Variants in PARP14 observed in about 807,000 individuals in gnomAD.
The protein encoded by PARP14 is poly(ADP-ribose) polymerase family member 14, also known as protein mono-ADP-ribosyltransferase PARP14.
Under a neutral mutation model 154.2 loss-of-function variants are expected in PARP14, and 59 were observed. That is an observed-to-expected ratio of 0.38 (90% CI 0.31 to 0.48). The LOEUF is 0.48. PARP14 is among the 20% of genes least tolerant of loss of function. PARP14 has a pLI of 0.98. For missense variants in PARP14, 1,734 were observed against 2,131.6 expected (o/e 0.81, Z 3.67); for synonymous variants, 720 against 780.5 (o/e 0.92, Z 1.29).
At chr3:122,690,314 C>T (rs1289243356) in intron 3 of PARP14, among the ~76,000 whole-genome samples, 1 of 152,186 alleles carries the variant, frequency 6.6e-6, no homozygotes, top group African/African-American at 2.4e-5. Context: ...TAGCCTCCTC[C>T]CTAGCCCAGC....
chr3:122,719,991 CTT>C (rs1242272964), intron 14 of PARP14, among the ~76,000 whole-genome samples: 1 of 152,210 alleles, frequency 6.6e-6, no homozygotes, highest in Non-Finnish European at 1.5e-5. Context: ...ATGATCCAAA[CTT>C]AGGAGGCAGA....
rs751299850 is a variant in PARP14 at position 122,695,432 on chromosome 3, T to C, written c.605T>C (p.Ile202Thr). 2.0e-5 allele frequency: 30 copies of C among 1,510,788 alleles called. No homozygotes were observed. The highest frequency in any genetic ancestry group is 1.2e-5 in the South Asian group (1 of 86,140). 93.6% of individuals were successfully genotyped at this position (1,510,788 alleles called of 1,614,324 possible). A position where few individuals can be genotyped will look rare whatever the true frequency, so the allele number is the denominator to read the frequency against. The change falls in exon 5 of 17, where the codon ATA (isoleucine) becomes ACA (threonine). Residue 202 changes from isoleucine to threonine, a missense_variant. Physicochemically the swap from Ile to Thr is moderately conservative, Grantham distance 89 (BLOSUM62 -1). This residue lies in a region of PARP14 where 1,646 missense variants were observed against 1,976.0 expected (regional missense o/e 0.83). Transcript: ENST00000474629. ...TTTTTTTTTTGGTTTGTAGATACTATAAGATTTGTTGATGATTGTACCAAG... is the reference window on the plus strand; with the variant it reads ...TTTTTTTTTTGGTTTGTAGATACTACAAGATTTGTTGATGATTGTACCAAG... ...VVTFQKHIDT[I>T]RFVDDCTKHH...
In PARP14 at chr3:122,728,041, G is replaced by A. The variant is rs1039117174; in HGVS notation, c.5116+55G>A. On this transcript the variant is annotated intron_variant, in intron 16 of 16. Coordinates refer to ENST00000474629, the MANE Select transcript of PARP14 (RefSeq NM_017554.3). ...AATGAGGCATCAGCCATGAGAGCCCGAGTTGGCTGGGACAGTGTGGATTCA... is the reference window on the plus strand; with the variant it reads ...AATGAGGCATCAGCCATGAGAGCCCAAGTTGGCTGGGACAGTGTGGATTCA... 7.5e-5 allele frequency: 113 copies of A among 1,500,058 alleles called. 2 individuals are homozygous for A. The highest frequency in any genetic ancestry group is 4.6e-4 in the South Asian group (37 of 81,222). 92.9% of individuals were successfully genotyped at this position (1,500,058 alleles called of 1,614,324 possible).
At chr3:122,691,869 C>T (rs1287620211) in intron 3 of PARP14, among the ~76,000 whole-genome samples, 2 of 151,982 alleles carry the variant, frequency 1.3e-5, no homozygotes, top group Non-Finnish European at 2.9e-5. Flanking sequence ...ATATAAAATT[C>T]ACATATAAAA....
chr3:122,720,201 G>T, intron 14 of PARP14, 54 bp from the exon 15 acceptor site: 2 of 1,559,740 alleles, frequency 1.3e-6, no homozygotes, highest in Non-Finnish European at 1.8e-6. Context: ...GATACTAAAT[G>T]TTCCAGAGTG....
Position 122,703,830 on chromosome 3 carries a change from A to G in PARP14, c.3170A>G (p.Glu1057Gly). The change falls in exon 7 of 17, where the codon GAG (glutamate) becomes GGG (glycine). Residue 1057 changes from glutamate to glycine, a missense_variant. Transcript: ENST00000474629. ...SKSLLEKAGP[E>G]LQEELDTVGQ... Reference sequence around the variant, plus strand: ...TCCCTCTTGGAAAAAGCTGGACCAGAGCTCCAGGAGGAATTGGACACAGTT... The same window carrying G: ...TCCCTCTTGGAAAAAGCTGGACCAGGGCTCCAGGAGGAATTGGACACAGTT... 6.2e-7 allele frequency: 1 copy of G among 1,613,844 alleles called. No homozygotes were observed. The highest frequency in any genetic ancestry group is 1.6e-4 in the Middle Eastern group (1 of 6,062).
At chr3:122,728,193 C>A in intron 16 of PARP14, 115 bp from the exon 17 acceptor site, 1 of 1,041,296 alleles carries the variant, frequency 9.6e-7, no homozygotes. Flanking sequence ...AAGTGAAAAG[C>A]ACACACAAAA....
At chr3:122,707,851 T>C (rs911049993) in intron 8 of PARP14, among the ~76,000 whole-genome samples, 8 of 152,212 alleles carry the variant, frequency 5.3e-5, no homozygotes, top group Non-Finnish European at 8.8e-5. Flanking sequence ...TAATGGCTAA[T>C]AAATACTCCA....
At chr3:122,683,737 C>T (rs777061174) in intron 1 of PARP14, among the ~76,000 whole-genome samples, 1 of 152,172 alleles carries the variant, frequency 6.6e-6, no homozygotes, top group Non-Finnish European at 1.5e-5. Flanking sequence ...ATATTATTAC[C>T]AACTGTTCTC....
chr3:122,714,745 C>T (rs1366401828), intron 12 of PARP14, among the ~76,000 whole-genome samples: 1 of 152,204 alleles, frequency 6.6e-6, no homozygotes, highest in African/African-American at 2.4e-5. Flanking sequence ...TCTCTTTCCT[C>T]AGTTACTTTC....
chr3:122,722,866 A>G (rs561999963), intron 15 of PARP14, among the ~76,000 whole-genome samples: 7 of 152,292 alleles, frequency 4.6e-5, no homozygotes, highest in Non-Finnish European at 1.0e-4. Context: ...ATTCTCCTAA[A>G]TTATGGCAAT....
chr3:122,707,335 T>G (rs1291422792), intron 8 of PARP14, among the ~76,000 whole-genome samples: 2 of 151,218 alleles, frequency 1.3e-5, no homozygotes, highest in African/African-American at 4.9e-5. Flanking sequence ...GAACCAAGAT[T>G]GTGCCACTAC....
chr3:122,690,715 T>C (rs1005259929), intron 3 of PARP14, among the ~76,000 whole-genome samples: 3 of 152,220 alleles, frequency 2.0e-5, no homozygotes, highest in Admixed American at 1.3e-4. Flanking sequence ...TTTCATCACA[T>C]TGGCCAGGCT....
intron 14 of PARP14, 53 bp downstream of exon 14, chr3:122,719,011 T>A: frequency 6.9e-7 from 1 of 1,453,432 alleles, no homozygotes; most frequent in Non-Finnish European, 9.1e-7. Flanking sequence ...ACTTTGGGCA[T>A]AACACTATTT....
chr3:122,728,658 G>T lies in PARP14; in HGVS notation c.*61G>T. ...TTGTACATATCTAGTTGTAAAACAAGTTTTAGCTTTTTTTTTTAATTCCTC... is the reference window on the plus strand; with the variant it reads ...TTGTACATATCTAGTTGTAAAACAATTTTTAGCTTTTTTTTTTAATTCCTC... On this transcript the variant is annotated 3_prime_UTR_variant, in exon 17 of 17. Coordinates refer to ENST00000474629, the MANE Select transcript of PARP14 (RefSeq NM_017554.3). 3.0e-6 allele frequency: 4 copies of T among 1,337,464 alleles called. No homozygotes were observed. Among genetic ancestry groups the T allele is most frequent in the South Asian group, 1.4e-5 (1 of 70,228 alleles). The allele number at this position is 1,337,464 out of a possible 1,614,324, so 82.8% of individuals were successfully genotyped here.
At chr3:122,713,357 A>G in intron 9 of PARP14, 67 bp from the exon 10 acceptor site, 2 of 1,382,608 alleles carry the variant, frequency 1.4e-6, no homozygotes, top group Non-Finnish European at 2.0e-6. Context: ...GTCCCATGTG[A>G]GCAGGATACC....
Position 122,728,853 on chromosome 3 carries a change from A to C in PARP14, c.*256A>C. On this transcript the variant is annotated 3_prime_UTR_variant, in exon 17 of 17. Transcript: ENST00000474629. ...GTGTGTCCACAAGTATGGACATCAA[A>C]TCTGTGGGAAAAGAACAGGTTTGTA... 2.4e-6 allele frequency: 1 copy of C among 408,700 alleles called. No homozygotes were observed. The allele number at this position is 408,700 out of a possible 1,614,324, so 25.3% of individuals were successfully genotyped here. A position where few individuals can be genotyped will look rare whatever the true frequency, so the allele number is the denominator to read the frequency against.
At chr3:122,692,782 T>TGA (rs146475823) in intron 4 of PARP14, among the ~76,000 whole-genome samples, 273 of 150,858 alleles carry the variant, frequency 1.8e-3, no homozygotes, top group African/African-American at 5.1e-3. Flanking sequence ...TGTGTGTGAC[T>TGA]GAGAGAGAGA....
At chr3:122,715,398 G>C (rs1285674673) in intron 12 of PARP14, among the ~76,000 whole-genome samples, 1 of 151,986 alleles carries the variant, frequency 6.6e-6, no homozygotes, top group African/African-American at 2.4e-5. Context: ...CAATTTCTGG[G>C]CCTTCTTCTA....
Sources: gnomAD v4.1 joint callset for allele counts (sites outside exome capture counted in the v4.1 genomes callset) on GRCh38, gnomAD v4.1.1 for gene constraint, gnomAD v4.1.1 regional missense constraint, MANE v1.5 for transcripts, NCBI Gene and HGNC (gene_info 2026-07-23, HGNC 2026-07-21) for gene names.